Variants in DOK6 observed in about 807,000 individuals in gnomAD.
DOK6 encodes docking protein 6, also known as downstream of tyrosine kinase 6.
DOK6 carries 22 observed loss-of-function variants against 44.0 expected under a neutral mutation model. That is an observed-to-expected ratio of 0.50 (90% CI 0.36 to 0.71). DOK6 has a LOEUF of 0.71. DOK6 is among the 30% of genes least tolerant of loss of function. DOK6 has a pLI of 0.00. For synonymous variants in DOK6, 166 were observed against 145.5 expected (o/e 1.14, Z -1.01); for missense variants, 340 against 416.4 (o/e 0.82, Z 1.60).
intron 2 of DOK6, among the ~76,000 whole-genome samples, chr18:69,594,389 A>G (rs1285783638): frequency 6.6e-6 from 1 of 151,988 alleles, no homozygotes; most frequent in African/African-American, 2.4e-5. Context: ...AAAATCACCC[A>G]TATTACATAT....
Position 69,848,338 on chromosome 18 carries a change from A to T in DOK6, c.*6955A>T, listed in dbSNP as rs1279870187. The T allele has an allele frequency of 6.6e-6, 1 of 152,220 alleles. No individual in the cohort carries two copies. Among genetic ancestry groups the T allele is most frequent in the Non-Finnish European group, 1.5e-5 (1 of 68,032 alleles). The allele number at this position is 152,220 out of a possible 1,614,324, so 9.4% of individuals were successfully genotyped here. A position where few individuals can be genotyped will look rare whatever the true frequency, so the allele number is the denominator to read the frequency against. On this transcript the variant is annotated 3_prime_UTR_variant, in exon 8 of 8. Coordinates refer to ENST00000382713, the MANE Select transcript of DOK6 (RefSeq NM_152721.6). ...TTGATAAGAAATAACTTTGGACATT[A>T]GGCCCTTGTTAAGAAATAAAACACC...
intron 3 of DOK6, among the ~76,000 whole-genome samples, chr18:69,616,437 T>C (rs34734297): frequency 3.6e-5 from 1 of 27,920 alleles, no homozygotes; most frequent in African/African-American, 1.2e-4. Flanking sequence ...AGATTTTTCC[T>C]AAGGTCAACC....
At chr18:69,651,860 C>T (rs561089000) in intron 3 of DOK6, among the ~76,000 whole-genome samples, 2 of 152,238 alleles carry the variant, frequency 1.3e-5, no homozygotes, top group East Asian at 3.9e-4. Context: ...CTCTGACCTC[C>T]ATTGGTTAAA....
At chr18:69,563,446 A>C (rs1350704827) in intron 1 of DOK6, among the ~76,000 whole-genome samples, 1 of 152,210 alleles carries the variant, frequency 6.6e-6, no homozygotes, top group East Asian at 1.9e-4. Flanking sequence ...TATGGCACAT[A>C]TACACCATGG....
rs1290781669 is a variant in DOK6, at chr18:69,845,078, G to A, written c.*3695G>A. 1 of 152,146 alleles carries A rather than the reference G, an allele frequency of 6.6e-6. No individual in the cohort carries two copies. Among genetic ancestry groups the A allele is most frequent in the Admixed American group, 6.5e-5 (1 of 15,278 alleles). The allele number at this position is 152,146 out of a possible 1,614,324, so 9.4% of individuals were successfully genotyped here. On this transcript the variant is annotated 3_prime_UTR_variant, in exon 8 of 8. Transcript: ENST00000382713. ...ATGTGTGCCCCTCCTTGTTTGGCCA[G>A]TATCACAGAAAACTTTGTAAAAAAG...
intron 2 of DOK6, among the ~76,000 whole-genome samples, chr18:69,586,691 C>A (rs995792622): frequency 6.6e-6 from 1 of 152,168 alleles, no homozygotes; most frequent in Admixed American, 6.5e-5. Context: ...CTGCTTGCTG[C>A]GGCCCCCATC....
At chr18:69,572,182 G>A (rs1983130102) in intron 2 of DOK6, among the ~76,000 whole-genome samples, 1 of 152,040 alleles carries the variant, frequency 6.6e-6, no homozygotes, top group Admixed American at 6.6e-5. Flanking sequence ...AAAATAGATT[G>A]CAATAAGCCT....
chr18:69,470,314 C>G (rs1980060574), intron 1 of DOK6, among the ~76,000 whole-genome samples: 3 of 152,164 alleles, frequency 2.0e-5, no homozygotes, highest in South Asian at 4.1e-4. Context: ...TCACGTGACT[C>G]TGGAAGCTGG....
At chr18:69,615,085 T>C (rs1984254027) in intron 3 of DOK6, among the ~76,000 whole-genome samples, 1 of 152,194 alleles carries the variant, frequency 6.6e-6, no homozygotes, top group Non-Finnish European at 1.5e-5. Flanking sequence ...ATTTTATCGA[T>C]GTTAGATCAG....
chr18:69,500,895 T>C (rs61435921), intron 1 of DOK6, among the ~76,000 whole-genome samples: 14,240 of 152,130 alleles, frequency 0.094, 2,181 homozygotes, highest in African/African-American at 0.32. Flanking sequence ...AGACAGCTAA[T>C]GTGATTTATA....
chr18:69,600,098 T>G (rs1983838146), intron 3 of DOK6, among the ~76,000 whole-genome samples: 1 of 152,182 alleles, frequency 6.6e-6, no homozygotes, highest in Non-Finnish European at 1.5e-5. Context: ...TTGTCACTTT[T>G]TAAAGATTTT....
intron 1 of DOK6, among the ~76,000 whole-genome samples, chr18:69,511,134 C>G (rs763140556): frequency 1.3e-5 from 2 of 152,138 alleles, no homozygotes; most frequent in African/African-American, 4.8e-5. Context: ...AATTTCTTTC[C>G]TCATATCCTA....
chr18:69,715,607 T>C (rs868327475), intron 5 of DOK6, among the ~76,000 whole-genome samples: 3 of 152,184 alleles, frequency 2.0e-5, no homozygotes, highest in Middle Eastern at 3.2e-3. Context: ...AGCACAACTT[T>C]TGACATTTGA....
chr18:69,720,421 A>G (rs1986981498), intron 5 of DOK6, among the ~76,000 whole-genome samples: 1 of 152,202 alleles, frequency 6.6e-6, no homozygotes, highest in Admixed American at 6.5e-5. Context: ...TATGCTTAAG[A>G]CAATGAAGAA....
At chr18:69,726,168 T>G (rs975092426) in intron 5 of DOK6, among the ~76,000 whole-genome samples, 1 of 152,146 alleles carries the variant, frequency 6.6e-6, no homozygotes, top group Non-Finnish European at 1.5e-5. Context: ...AAATTTAACT[T>G]CGCTTCCTCT....
chr18:69,623,114 A>T (rs2144639955), intron 3 of DOK6, among the ~76,000 whole-genome samples: 1 of 152,202 alleles, frequency 6.6e-6, no homozygotes, highest in Admixed American at 6.5e-5. Context: ...CTGGTTTGAA[A>T]GTGTGTAGGC....
chr18:69,529,221 C>G (rs1252504752), intron 1 of DOK6, among the ~76,000 whole-genome samples: 3 of 152,074 alleles, frequency 2.0e-5, no homozygotes, highest in Admixed American at 2.0e-4. Context: ...AATTTTTATT[C>G]CAGTCTTTAT....
intron 1 of DOK6, among the ~76,000 whole-genome samples, chr18:69,507,905 T>TGAAGAGGAGAGGGAAGA (rs1422445922): frequency 2.9e-4 from 44 of 152,200 alleles, no homozygotes; most frequent in African/African-American, 9.4e-4. Context: ...TGGATGATGT[T>TGAAGAGGAGAGGGAAGA]GAAGAGGAGA....
intron 7 of DOK6, among the ~76,000 whole-genome samples, chr18:69,832,289 C>G (rs556841713): frequency 1.3e-5 from 2 of 152,150 alleles, no homozygotes; most frequent in African/African-American, 4.8e-5. Context: ...TTAAAATGAT[C>G]TAGTTTTAGT....
Sources: allele counts gnomAD v4.1 joint callset (sites outside exome capture counted in the v4.1 genomes callset), GRCh38; gene constraint gnomAD v4.1.1; transcripts MANE v1.5; gene names NCBI Gene and HGNC (gene_info 2026-07-23, HGNC 2026-07-21).